Variants in RDX observed in about 807,000 individuals in gnomAD.
RDX encodes the protein radixin.
A neutral mutation model predicts 83.7 loss-of-function variants in RDX; 32 were observed. The observed-to-expected ratio is 0.38, with a 90% confidence interval of 0.29 to 0.51. The LOEUF is 0.51. Ranked by LOEUF, RDX falls within the 20% of genes least tolerant of loss-of-function variation. The pLI is 0.87. For missense variants in RDX, 600 were observed against 689.9 expected (o/e 0.87, Z 1.46); for synonymous variants, 229 against 222.7 (o/e 1.03, Z -0.25).
At chr11:110,221,779 T>A (rs997110143) in intron 14 of RDX, among the ~76,000 whole-genome samples, 2 of 152,194 alleles carry the variant, frequency 1.3e-5, no homozygotes, top group African/African-American at 4.8e-5. Flanking sequence ...TTGAACTAAG[T>A]GGCCTCTCAT....
intron 1 of RDX, among the ~76,000 whole-genome samples, chr11:110,294,633 AG>A (rs1418623616): frequency 6.6e-6 from 1 of 152,180 alleles, no homozygotes; most frequent in Non-Finnish European, 1.5e-5. Flanking sequence ...AGACTCAGCA[AG>A]GGAGGGAAAC....
chr11:110,270,052 T>A (rs984434061), intron 3 of RDX, among the ~76,000 whole-genome samples: 17 of 150,680 alleles, frequency 1.1e-4, no homozygotes, highest in African/African-American at 3.0e-4. Flanking sequence ...TAAAAAAAAA[T>A]TTTTTTTTAA....
intron 1 of RDX, among the ~76,000 whole-genome samples, chr11:110,284,645 C>G (rs566800260): frequency 1.3e-5 from 2 of 152,026 alleles, no homozygotes; most frequent in Non-Finnish European, 2.9e-5. Context: ...CTCAGCCTCC[C>G]CAGTAGCTGG....
intron 14 of RDX, among the ~76,000 whole-genome samples, chr11:110,212,733 A>G: frequency 2.4e-5 from 3 of 124,814 alleles, no homozygotes; most frequent in Non-Finnish European, 3.3e-5. Context: ...AAAGACAAAA[A>G]CCACATGATT....
intron 3 of RDX, among the ~76,000 whole-genome samples, chr11:110,271,903 CA>C (rs1408787500): frequency 1.3e-5 from 2 of 152,150 alleles, no homozygotes; most frequent in African/African-American, 4.8e-5. Context: ...TCTTCAGTAC[CA>C]ACATGACTCT....
chr11:110,239,232 A>G (rs1864985226), intron 10 of RDX, among the ~76,000 whole-genome samples: 1 of 152,152 alleles, frequency 6.6e-6, no homozygotes, highest in Admixed American at 6.5e-5. Flanking sequence ...AAAAAAAGTA[A>G]AACACCTAGG....
intron 14 of RDX, among the ~76,000 whole-genome samples, chr11:110,213,927 T>C (rs796764104): frequency 2.3e-3 from 216 of 94,930 alleles, no homozygotes; most frequent in Non-Finnish European, 2.5e-3. Flanking sequence ...GACATAGGCA[T>C]GGGCAAGGAC....
intron 9 of RDX, among the ~76,000 whole-genome samples, chr11:110,250,461 C>T (rs1859284403): frequency 6.6e-6 from 1 of 152,094 alleles, no homozygotes; most frequent in Admixed American, 6.6e-5. Context: ...AGACAATTCT[C>T]GAGGACTTAC....
chr11:110,224,941 T>C (rs1864383159), downstream of RDX, among the ~76,000 whole-genome samples: 1 of 152,216 alleles, frequency 6.6e-6, no homozygotes, highest in Non-Finnish European at 1.5e-5. Flanking sequence ...TGTTCCCTTC[T>C]GTAGCTGTGC....
intron 14 of RDX, among the ~76,000 whole-genome samples, chr11:110,213,035 G>A (rs1356032035): frequency 2.7e-5 from 4 of 149,328 alleles, no homozygotes; most frequent in Non-Finnish European, 4.4e-5. Flanking sequence ...AGGAAAAGAG[G>A]AAGTCAAATT....
chr11:110,258,325 G>A (rs1859635838), intron 5 of RDX, 136 bp from the exon 6 acceptor site: 2 of 633,314 alleles, frequency 3.2e-6, no homozygotes, highest in Non-Finnish European at 5.5e-6. Flanking sequence ...AAATTGCATA[G>A]AACTAAATTA....
rs184613296 is a variant in RDX, at chr11:110,285,628, G to A, written c.-64-5872C>T. On this transcript the variant is annotated intron_variant, in intron 1 of 13. Coordinates refer to ENST00000645495, the MANE Select transcript of RDX (RefSeq NM_002906.4). ...CTCAGGAGGCTGAGGCAGGAGAATCGCTTGAATCCAGGAGGCAGAGGCTGC... is the reference window on the plus strand; with the variant it reads ...CTCAGGAGGCTGAGGCAGGAGAATCACTTGAATCCAGGAGGCAGAGGCTGC... Among the ~76,000 whole-genome samples, 19 of 145,938 alleles carry A rather than the reference G, an allele frequency of 1.3e-4. No homozygotes were observed. The East Asian group carries it at 3.2e-3, about 25-fold the overall frequency.
intron 14 of RDX, among the ~76,000 whole-genome samples, chr11:110,222,357 C>A (rs572484303): frequency 6.6e-6 from 1 of 152,316 alleles, no homozygotes; most frequent in East Asian, 1.9e-4. Context: ...TTATGCCCCC[C>A]AAATTCATTT....
At chr11:110,281,938 C>CAAAAAAAAAAAAAAAAAAAAACA (rs750336725) in intron 1 of RDX, among the ~76,000 whole-genome samples, 1 of 91,252 alleles carries the variant, frequency 1.1e-5, no homozygotes, top group Non-Finnish European at 2.2e-5. Context: ...CCATCTCTAT[C>CAAAAAAAAAAAAAAAAAAAAACA]AAAAAAAAAA....
intron 1 of RDX, among the ~76,000 whole-genome samples, chr11:110,282,317 CT>C (rs1233721596): frequency 1.3e-5 from 2 of 152,112 alleles, no homozygotes; most frequent in Non-Finnish European, 2.9e-5. Context: ...GCCAAAATGG[CT>C]TGTCCTAAGT....
chr11:110,215,153 G>T (rs2134264470), intron 14 of RDX, among the ~76,000 whole-genome samples: 1 of 150,360 alleles, frequency 6.7e-6, no homozygotes, highest in South Asian at 2.1e-4. Context: ...GAGGTCAGGA[G>T]ATCGAGACAA....
At chr11:110,203,264 A>G (rs1486816302) in intron 14 of RDX, among the ~76,000 whole-genome samples, 2 of 152,182 alleles carry the variant, frequency 1.3e-5, no homozygotes, top group Non-Finnish European at 2.9e-5. Flanking sequence ...CAAGCACAGA[A>G]GGACAAAAAT....
intron 15 of RDX, among the ~76,000 whole-genome samples, chr11:110,194,294 A>T (rs1370509135): frequency 6.6e-6 from 1 of 152,230 alleles, no homozygotes; most frequent in Admixed American, 6.5e-5. Flanking sequence ...ATCCTGACAC[A>T]CAGTAACCTC....
chr11:110,293,796 T>C (rs1861339218), intron 1 of RDX, among the ~76,000 whole-genome samples: 1 of 152,184 alleles, frequency 6.6e-6, no homozygotes, highest in Non-Finnish European at 1.5e-5. Context: ...ATCTACACCT[T>C]ACATATAAAC....
Sources: allele counts gnomAD v4.1 joint callset (sites outside exome capture counted in the v4.1 genomes callset), GRCh38; gene constraint gnomAD v4.1.1; transcripts MANE v1.5; gene names NCBI Gene and HGNC (gene_info 2026-07-23, HGNC 2026-07-21).